Variants in DLG2 observed in about 807,000 individuals in gnomAD.
DLG2 encodes the protein disks large homolog 2.
Under a neutral mutation model 132.5 loss-of-function variants are expected in DLG2, and 45 were observed. That is an observed-to-expected ratio of 0.34 (90% CI 0.27 to 0.44). DLG2 has a LOEUF of 0.44. DLG2 is among the 20% of genes least tolerant of loss of function. The pLI, the probability that DLG2 is intolerant of heterozygous loss-of-function variation, is 1.00. For synonymous variants in DLG2, 424 were observed against 419.6 expected (o/e 1.01, Z -0.13); for missense variants, 1,045 against 1,196.9 (o/e 0.87, Z 1.87).
chr11:84,088,219 T>C (rs1044409568), intron 10 of DLG2, among the ~76,000 whole-genome samples: 1 of 152,142 alleles, frequency 6.6e-6, no homozygotes, highest in Non-Finnish European at 1.5e-5. Flanking sequence ...ATCATAAAGA[T>C]TTACTCCTAC....
intron 6 of DLG2, among the ~76,000 whole-genome samples, chr11:84,951,261 AT>A (rs2050874247): frequency 6.6e-6 from 1 of 152,224 alleles, no homozygotes. Flanking sequence ...CTTTACAAGC[AT>A]CCTATATGGC....
chr11:84,513,539 T>C (rs2099263341), intron 7 of DLG2, among the ~76,000 whole-genome samples: 1 of 152,010 alleles, frequency 6.6e-6, no homozygotes, highest in East Asian at 1.9e-4. Context: ...TCCACACATA[T>C]ACAGTAAACT....
At chr11:84,369,795 A>T (rs945694719) in intron 7 of DLG2, among the ~76,000 whole-genome samples, 2 of 152,184 alleles carry the variant, frequency 1.3e-5, no homozygotes, top group African/African-American at 4.8e-5. Context: ...ACACAGTTTG[A>T]GGATCATAAG....
chr11:84,434,417 A>G (rs542322409), intron 7 of DLG2, among the ~76,000 whole-genome samples: 89 of 152,250 alleles, frequency 5.8e-4, no homozygotes, highest in South Asian at 2.9e-3. Context: ...AGTGGAAGGA[A>G]GAAGGCGCTA....
chr11:85,557,321 G>A (rs1178997851), intron 3 of DLG2, among the ~76,000 whole-genome samples: 1 of 151,796 alleles, frequency 6.6e-6, no homozygotes, highest in African/African-American at 2.4e-5. Flanking sequence ...ACAAATAAAT[G>A]GAAAAACATT....
chr11:85,161,229 C>G (rs1004234420), intron 4 of DLG2, among the ~76,000 whole-genome samples: 1 of 152,220 alleles, frequency 6.6e-6, no homozygotes, highest in Non-Finnish European at 1.5e-5. Context: ...CTGTGGACAT[C>G]ACTCAGCCTC....
intron 6 of DLG2, among the ~76,000 whole-genome samples, chr11:85,061,922 A>G (rs641958): frequency 0.71 from 107,930 of 151,648 alleles, 39,520 homozygotes; most frequent in East Asian, 0.95. Context: ...CAGTCACTTT[A>G]CTCCTAACAT....
chr11:83,951,710 G>A (rs1350624348), intron 14 of DLG2, among the ~76,000 whole-genome samples: 2 of 152,192 alleles, frequency 1.3e-5, no homozygotes, highest in African/African-American at 4.8e-5. Context: ...AGAGCAGCCA[G>A]CTGGAGTCAA....
intron 21 of DLG2, among the ~76,000 whole-genome samples, chr11:83,489,528 C>A (rs1213932667): frequency 6.6e-6 from 1 of 151,908 alleles, no homozygotes; most frequent in Admixed American, 6.6e-5. Context: ...ATCTGTGATA[C>A]TTATGAGCCA....
At chr11:85,197,405 A>C (rs1216973521) in intron 4 of DLG2, among the ~76,000 whole-genome samples, 1 of 152,220 alleles carries the variant, frequency 6.6e-6, no homozygotes, top group Non-Finnish European at 1.5e-5. Context: ...AAGGACTCAC[A>C]GACATTCTGT....
chr11:84,502,202 C>CTCTCTCTCTCTCT (rs56962951), intron 7 of DLG2, among the ~76,000 whole-genome samples: 2 of 24,946 alleles, frequency 8.0e-5, no homozygotes, highest in Non-Finnish European at 1.3e-4. Flanking sequence ...CTCTCTCTCT[C>CTCTCTCTCTCTCT]CTTCCTTCCT....
At chr11:83,609,593 A>G (rs2059820649) in intron 19 of DLG2, among the ~76,000 whole-genome samples, 3 of 152,242 alleles carry the variant, frequency 2.0e-5, no homozygotes, top group Admixed American at 6.5e-5. Flanking sequence ...CATTATTGAC[A>G]ACAACCTAGG....
chr11:84,834,624 G>A (rs909891983), intron 6 of DLG2, among the ~76,000 whole-genome samples: 1 of 151,552 alleles, frequency 6.6e-6, no homozygotes, highest in Non-Finnish European at 1.5e-5. Flanking sequence ...GAAAGGAAGA[G>A]AAGCAGGGGG....
chr11:85,495,492 CAAA>C (rs2153113687), intron 3 of DLG2, among the ~76,000 whole-genome samples: 1 of 152,220 alleles, frequency 6.6e-6, no homozygotes, highest in Admixed American at 6.5e-5. Context: ...AGACACTTCT[CAAA>C]GGAAGAGATT....
At chr11:84,295,912 A>C (rs1377031197) in intron 7 of DLG2, among the ~76,000 whole-genome samples, 1 of 152,236 alleles carries the variant, frequency 6.6e-6, no homozygotes, top group Non-Finnish European at 1.5e-5. Context: ...CAAGGCAACT[A>C]TAATGGTATT....
chr11:84,769,042 T>C (rs1442675686), intron 6 of DLG2, among the ~76,000 whole-genome samples: 1 of 152,162 alleles, frequency 6.6e-6, no homozygotes, highest in East Asian at 1.9e-4. Flanking sequence ...TGTCTTCAGA[T>C]GAGTAGGAAT....
chr11:84,839,729 C>G (rs576652067), intron 6 of DLG2, among the ~76,000 whole-genome samples: 1 of 151,894 alleles, frequency 6.6e-6, no homozygotes, highest in Non-Finnish European at 1.5e-5. Context: ...CACAAAAACA[C>G]GAAATGGGGA....
intron 6 of DLG2, among the ~76,000 whole-genome samples, chr11:84,772,371 G>A (rs1597754034): frequency 7.2e-6 from 1 of 139,538 alleles, no homozygotes; most frequent in African/African-American, 2.5e-5. Flanking sequence ...ACCACTGACA[G>A]CATTAGATAG....
intron 6 of DLG2, among the ~76,000 whole-genome samples, chr11:84,854,882 T>C (rs1360818114): frequency 1.3e-5 from 2 of 152,050 alleles, no homozygotes; most frequent in South Asian, 2.1e-4. Context: ...TATATATTGG[T>C]GCAAAAATCT....
Sources: allele counts gnomAD v4.1 joint callset (sites outside exome capture counted in the v4.1 genomes callset), GRCh38; gene constraint gnomAD v4.1.1; transcripts MANE v1.5; gene names NCBI Gene and HGNC (gene_info 2026-07-23, HGNC 2026-07-21).